The following KATNAL2 variants were observed in gnomAD, a reference collection of about 807,000 sequenced individuals.
KATNAL2 encodes katanin catalytic subunit A1 like 2, also known as katanin p60 ATPase-containing subunit A-like 2.
A neutral mutation model predicts 76.3 loss-of-function variants in KATNAL2; 52 were observed. The observed-to-expected ratio is 0.68, with a 90% CI of 0.55 to 0.86. The LOEUF is 0.86. Ranked by LOEUF, KATNAL2 falls within the 40% of genes least tolerant of loss-of-function variation. The pLI is 0.00. For missense variants in KATNAL2, 660 were observed against 668.9 expected (o/e 0.99, Z 0.15); for synonymous variants, 243 against 244.2 (o/e 1.00, Z 0.05).
intron 3 of KATNAL2, chr18:47,032,635 TC>T: frequency 3.1e-6 from 1 of 319,660 alleles, no homozygotes; most frequent in Non-Finnish European, 5.8e-6. Context: ...TGTGTTTTTG[TC>T]TAAGAAGTTC....
chr18:47,101,086 A>T lies in KATNAL2; in HGVS notation c.*81A>T. The T allele has an allele frequency of 6.7e-7, 1 of 1,496,168 alleles. No individual in the cohort carries two copies. Among genetic ancestry groups the T allele is most frequent in the Non-Finnish European group, 9.2e-7 (1 of 1,085,644 alleles). 92.7% of individuals were successfully genotyped at this position (1,496,168 alleles called of 1,614,324 possible). On this transcript the variant is annotated 3_prime_UTR_variant, in exon 18 of 18. Coordinates refer to ENST00000683218, the MANE Select transcript of KATNAL2 (RefSeq NM_001387690.1). The stretch of plus-strand genomic sequence containing the variant: ...TTAATGTCCGTGGGAGAACAAAATG[A>T]TTGGAATGGAAAAGAGAAAATTATT...
In KATNAL2 at chr18:47,054,411, C is replaced by T. The variant is rs181204080; in HGVS notation, c.305C>T (p.Pro102Leu). 8.5e-5 allele frequency: 137 copies of T among 1,613,012 alleles called. No individual in the cohort carries two copies. Among genetic ancestry groups the T allele is most frequent in the East Asian group, 2.0e-4 (9 of 44,864 alleles). ...KSSDTAENNL[P>L]QRSRGKTRRM... The stretch of plus-strand genomic sequence containing the variant: ...TTTGTCACAGCAGAAAATAATTTAC[C>T]GCAAAGAAGTAGAGGGAAGACCAGA... Residue 102 changes from proline to leucine, a missense_variant, in exon 6 of 18, where the codon CCG becomes CTG. Physicochemically the swap from Pro to Leu is moderately conservative, Grantham distance 98. Coordinates refer to ENST00000683218, the MANE Select transcript of KATNAL2 (RefSeq NM_001387690.1).
intron 3 of KATNAL2, among the ~76,000 whole-genome samples, chr18:46,952,393 G>GT (rs35596537): frequency 0.35 from 22,741 of 64,638 alleles, 5,981 homozygotes; most frequent in Non-Finnish European, 0.36. Context: ...CTGCAGGTAT[G>GT]TTTTTTTTTT....
chr18:47,095,096 T>C (rs1343185238), intron 15 of KATNAL2, among the ~76,000 whole-genome samples: 5 of 152,212 alleles, frequency 3.3e-5, no homozygotes, highest in African/African-American at 9.7e-5. Flanking sequence ...CTTTTACTCA[T>C]TATTATGCTT....
intron 1 of KATNAL2, among the ~76,000 whole-genome samples, chr18:46,939,716 T>C (rs2059193609): frequency 6.6e-6 from 1 of 152,162 alleles, no homozygotes; most frequent in Non-Finnish European, 1.5e-5. Context: ...TTTGAGCTGA[T>C]TGATGTGTAG....
intron 3 of KATNAL2, among the ~76,000 whole-genome samples, chr18:47,031,338 T>G (rs538997197): frequency 8.8e-4 from 133 of 151,636 alleles, no homozygotes; most frequent in African/African-American, 3.1e-3. Flanking sequence ...AATATGTATG[T>G]TTTCGGCTTT....
intron 3 of KATNAL2, among the ~76,000 whole-genome samples, chr18:46,949,613 G>A (rs547554567): frequency 1.3e-5 from 2 of 152,302 alleles, no homozygotes; most frequent in African/African-American, 2.4e-5. Flanking sequence ...CATAGGGGAA[G>A]CCACCCCAGT....
At chr18:47,060,982 G>A in intron 8 of KATNAL2, among the ~76,000 whole-genome samples, 1 of 152,162 alleles carries the variant, frequency 6.6e-6, no homozygotes, top group Non-Finnish European at 1.5e-5. Context: ...CACAAGGAAG[G>A]GACCATTTAA....
At chr18:47,031,172 C>T (rs1415966526) in intron 3 of KATNAL2, among the ~76,000 whole-genome samples, 10 of 147,534 alleles carry the variant, frequency 6.8e-5, no homozygotes, top group African/African-American at 2.0e-4. Context: ...TGTGACCAAT[C>T]TTGGAAGAAA....
At chr18:46,946,814 C>G (rs926700336) in intron 2 of KATNAL2, 40 bp from the exon 3 acceptor site, 82 of 1,504,792 alleles carry the variant, frequency 5.4e-5, no homozygotes, top group Non-Finnish European at 6.4e-5. Context: ...TTGGATCGAC[C>G]GGTCAGCCCA....
At chr18:46,949,363 C>T (rs562675154) in intron 3 of KATNAL2, among the ~76,000 whole-genome samples, 2 of 152,256 alleles carry the variant, frequency 1.3e-5, no homozygotes, top group Admixed American at 1.3e-4. Context: ...GGTGATTCCC[C>T]CACCTCAACC....
intron 15 of KATNAL2, among the ~76,000 whole-genome samples, chr18:47,096,311 TGAC>T (rs1423097523): frequency 7.9e-5 from 12 of 152,362 alleles, no homozygotes; most frequent in African/African-American, 2.6e-4. Context: ...TACCTGGTGA[TGAC>T]GTTTTCATTG....
intron 3 of KATNAL2, chr18:47,033,817 A>G: frequency 1.2e-6 from 2 of 1,614,208 alleles, no homozygotes; most frequent in South Asian, 2.2e-5. Context: ...CTGGGAGGTC[A>G]TGGAGTCAGA....
chr18:47,084,415 A>G, intron 15 of KATNAL2: 1 of 702,754 alleles, frequency 1.4e-6, no homozygotes, highest in Non-Finnish European at 2.6e-6. Context: ...CACTAGATCA[A>G]CATTTTTCCA....
At chr18:47,073,257 G>A (rs1257133096) in intron 13 of KATNAL2, among the ~76,000 whole-genome samples, 1 of 152,130 alleles carries the variant, frequency 6.6e-6, no homozygotes, top group Non-Finnish European at 1.5e-5. Flanking sequence ...CAATATTTCA[G>A]TGCTCGAATA....
intron 3 of KATNAL2, among the ~76,000 whole-genome samples, chr18:46,959,911 C>T (rs1221687403): frequency 6.6e-6 from 1 of 152,126 alleles, no homozygotes; most frequent in Non-Finnish European, 1.5e-5. Context: ...ATAAATTTCA[C>T]CACCCAAATA....
chr18:47,037,749 A>G (rs1180699350), intron 3 of KATNAL2, among the ~76,000 whole-genome samples: 1 of 152,170 alleles, frequency 6.6e-6, no homozygotes, highest in African/African-American at 2.4e-5. Flanking sequence ...CTGAATTCTG[A>G]ATTTTTATCA....
At chr18:47,067,168 G>T in intron 11 of KATNAL2, 49 bp downstream of exon 11, 1 of 917,784 alleles carries the variant, frequency 1.1e-6, no homozygotes, top group African/African-American at 1.6e-5. Flanking sequence ...CTATCCATTG[G>T]ACAAGCTGTA....
chr18:47,033,515 A>T (rs1441056731), intron 3 of KATNAL2: 1 of 1,613,882 alleles, frequency 6.2e-7, no homozygotes, highest in Admixed American at 1.7e-5. Flanking sequence ...TTCCTCCGTA[A>T]TTCGTCTGTC....
Sources: gnomAD v4.1 joint callset for allele counts (sites outside exome capture counted in the v4.1 genomes callset) on GRCh38, gnomAD v4.1.1 for gene constraint, MANE v1.5 for transcripts, NCBI Gene and HGNC (gene_info 2026-07-23, HGNC 2026-07-21) for gene names.